The following PDE10A variants were observed in gnomAD, a reference collection of about 807,000 sequenced individuals.
PDE10A encodes cAMP and cAMP-inhibited cGMP 3',5'-cyclic phosphodiesterase 10A.
PDE10A carries 39 observed loss-of-function variants against 97.7 expected under a neutral mutation model. The observed-to-expected ratio is 0.40, with a 90% CI of 0.31 to 0.52. The LOEUF is 0.52. PDE10A is among the 20% of genes least tolerant of loss of function. The pLI, the probability that PDE10A is intolerant of heterozygous loss-of-function variation, is 0.56. For synonymous variants in PDE10A, 371 were observed against 376.8 expected (o/e 0.98, Z 0.18); for missense variants, 731 against 1,047.8 (o/e 0.70, Z 4.17).
At chr6:165,578,648 G>A (rs958062002) in intron 1 of PDE10A, among the ~76,000 whole-genome samples, 1 of 49,562 alleles carries the variant, frequency 2.0e-5, no homozygotes, top group Non-Finnish European at 8.6e-5. Flanking sequence ...CCTACTAAAT[G>A]CATTTACCCT....
intron 18 of PDE10A, among the ~76,000 whole-genome samples, chr6:165,364,139 C>T (rs2128194902): frequency 1.3e-5 from 2 of 152,292 alleles, no homozygotes; most frequent in East Asian, 3.9e-4. Flanking sequence ...CTAGATAATA[C>T]AAGTTTCTAT....
intron 1 of PDE10A, among the ~76,000 whole-genome samples, chr6:165,686,403 C>CTTG (rs374546858): frequency 6.6e-6 from 1 of 152,190 alleles, no homozygotes. Flanking sequence ...CTTTGCAGCG[C>CTTG]TTGTTGTTGT....
At chr6:165,840,990 T>A (rs1780242470) in intron 1 of PDE10A, among the ~76,000 whole-genome samples, 1 of 152,248 alleles carries the variant, frequency 6.6e-6, no homozygotes, top group Non-Finnish European at 1.5e-5. Context: ...AATAGAGGAT[T>A]CAAATGTCAG....
intron 1 of PDE10A, among the ~76,000 whole-genome samples, chr6:165,623,600 T>C (rs1788250172): frequency 6.6e-6 from 1 of 152,174 alleles, no homozygotes; most frequent in Non-Finnish European, 1.5e-5. Context: ...AAATTATTCC[T>C]ATATTTTAAA....
intron 1 of PDE10A, among the ~76,000 whole-genome samples, chr6:165,619,667 G>A (rs1788020744): frequency 6.6e-6 from 1 of 151,802 alleles, no homozygotes; most frequent in Non-Finnish European, 1.5e-5. Flanking sequence ...GTATAGTCTA[G>A]TGTAGTGTAG....
At chr6:165,798,605 A>T (rs191468534) in intron 1 of PDE10A, among the ~76,000 whole-genome samples, 1 of 152,336 alleles carries the variant, frequency 6.6e-6, no homozygotes. Context: ...TGAATGTCCC[A>T]CCAAGAGGGA....
rs1789921492 is a variant in PDE10A at position 165,655,792 on chromosome 6, C to A, written c.865+6155G>T. 6.6e-6 allele frequency among the ~76,000 whole-genome samples: 1 copy of A among 152,142 alleles called. No individual in the cohort carries two copies. Among genetic ancestry groups the A allele is most frequent in the African/African-American group, 2.4e-5 (1 of 41,430 alleles). On this transcript the variant is annotated intron_variant, in intron 1 of 21. Coordinates refer to ENST00000539869, the MANE Select transcript of PDE10A (RefSeq NM_001385079.1). This position sits in a 1 kb window ranked among gnomAD's most constrained non-coding sequence, Gnocchi z 4.5. ...AACTGCAGTTTTTTCCTCTGACTGACAAAGCCTTCATCCGGCCCATTTGCC... is the reference window on the plus strand; with the variant it reads ...AACTGCAGTTTTTTCCTCTGACTGAAAAAGCCTTCATCCGGCCCATTTGCC...
intron 1 of PDE10A, among the ~76,000 whole-genome samples, chr6:165,826,449 C>T (rs1175650306): frequency 1.4e-5 from 2 of 143,846 alleles, no homozygotes; most frequent in African/African-American, 4.9e-5. Flanking sequence ...TCCTTTGTCC[C>T]TGTGTCTCTC....
chr6:165,882,761 G>GA (rs59205560), intron 1 of PDE10A, among the ~76,000 whole-genome samples: 213 of 138,862 alleles, frequency 1.5e-3, no homozygotes, highest in Non-Finnish European at 2.2e-3. Context: ...AGATCACTCA[G>GA]AAAAAAAAAA....
intron 1 of PDE10A, among the ~76,000 whole-genome samples, chr6:165,788,532 A>AG (rs1233741891): frequency 5.3e-5 from 8 of 150,276 alleles, no homozygotes; most frequent in African/African-American, 2.0e-4. Flanking sequence ...AAAAAAAAAA[A>AG]AAAAAAAGAA....
At chr6:165,774,997 T>C (rs1382133479) in intron 1 of PDE10A, 1 of 152,126 alleles carries the variant, frequency 6.6e-6, no homozygotes, top group Non-Finnish European at 1.5e-5. Context: ...TTCTAGATCA[T>C]TGTTTGGAAG....
intron 1 of PDE10A, chr6:165,774,888 C>G (rs1361299771): frequency 2.1e-5 from 3 of 145,212 alleles, no homozygotes; most frequent in African/African-American, 7.7e-5. Context: ...AAAAATCCCC[C>G]AAGAGCTCAC....
intron 1 of PDE10A, among the ~76,000 whole-genome samples, chr6:165,618,061 G>A (rs1787809067): frequency 6.6e-6 from 1 of 152,092 alleles, no homozygotes; most frequent in African/African-American, 2.4e-5. Flanking sequence ...CAGTCAAAGA[G>A]GCAGAGAAGA....
At chr6:165,454,900 C>A (rs201682352) in intron 3 of PDE10A, among the ~76,000 whole-genome samples, 13,440 of 152,040 alleles carry the variant, frequency 0.088, 653 homozygotes, top group East Asian at 0.19. Flanking sequence ...CAGAATATTT[C>A]ACTGAATTCC....
In PDE10A at chr6:165,418,758, A is replaced by G; in HGVS notation, c.1673T>C (p.Val558Ala). 2 of 1,613,600 alleles carry G rather than the reference A, an allele frequency of 1.2e-6. No individual in the cohort carries two copies. The highest frequency in any genetic ancestry group is 2.2e-5 in the East Asian group (1 of 44,882). The change falls in exon 11 of 22, where the codon GTG becomes GCG. Residue 558 changes from valine to alanine, a missense_variant. By Grantham distance (64) the Val-to-Ala change is moderately conservative (BLOSUM62 0). Coordinates refer to ENST00000539869, the MANE Select transcript of PDE10A (RefSeq NM_001385079.1). This position sits in a 1 kb window ranked among gnomAD's most constrained non-coding sequence, Gnocchi z 4.8. ...EHIMIYAKNLVNADRCALFQV... is the reference protein window; with the variant it reads ...EHIMIYAKNLANADRCALFQV... ...GAAAAGCGCACAACGATCGGCATTCACCAGGTTTTTTGCATATATCTAAAG... is the reference window on the plus strand; with the variant it reads ...GAAAAGCGCACAACGATCGGCATTCGCCAGGTTTTTTGCATATATCTAAAG...
intron 1 of PDE10A, among the ~76,000 whole-genome samples, chr6:165,721,483 A>T (rs1404085319): frequency 6.6e-6 from 1 of 152,220 alleles, no homozygotes; most frequent in South Asian, 2.1e-4. Context: ...ACTTTTTGTC[A>T]TTCTTATTTC....
Position 165,395,276 on chromosome 6 carries a change from A to G in PDE10A, c.2220-12T>C, listed in dbSNP as rs1562419060. 1.3e-6 allele frequency: 2 copies of G among 1,583,182 alleles called. No homozygotes were observed. The highest frequency in any genetic ancestry group is 4.5e-5 in the East Asian group (2 of 44,702). ...TGTCAAAGTGGAATCTGAAATTTTA[A>G]AAGGGCAGTTTATCACTAAACGTGA... On this transcript the variant is annotated splice_polypyrimidine_tract_variant and intron_variant, in intron 14 of 21. Coordinates refer to ENST00000539869, the MANE Select transcript of PDE10A (RefSeq NM_001385079.1).
chr6:165,496,134 C>A (rs1332719529), intron 2 of PDE10A, among the ~76,000 whole-genome samples: 1 of 151,868 alleles, frequency 6.6e-6, no homozygotes, highest in South Asian at 2.1e-4. Context: ...AAACTCCAAG[C>A]AGAGGGATCA....
At chr6:165,815,910 T>C (rs1420140909) in intron 1 of PDE10A, among the ~76,000 whole-genome samples, 9 of 152,078 alleles carry the variant, frequency 5.9e-5, no homozygotes, top group African/African-American at 2.4e-5. Flanking sequence ...CGTGACACGA[T>C]TGTCCCCTTC....
Sources: allele counts gnomAD v4.1 joint callset (sites outside exome capture counted in the v4.1 genomes callset), GRCh38; gene constraint gnomAD v4.1.1; non-coding constraint Gnocchi (gnomAD v3.1); transcripts MANE v1.5; gene names NCBI Gene and HGNC (gene_info 2026-07-23, HGNC 2026-07-21).